The following MARCHF3 variants were observed in gnomAD, a reference collection of about 807,000 sequenced individuals.
MARCHF3 encodes membrane associated ring-CH-type finger 3, also known as E3 ubiquitin-protein ligase MARCHF3.
Under a neutral mutation model 24.2 loss-of-function variants are expected in MARCHF3, and 13 were observed. The ratio of observed to expected loss-of-function variants is 0.54; its 90% confidence interval spans 0.35 to 0.85. MARCHF3 has a LOEUF of 0.85. Among genes scored for constraint, MARCHF3 ranks in the 40% least tolerant of loss-of-function variants. MARCHF3 has a pLI of 0.01. For synonymous variants in MARCHF3, 144 were observed against 137.3 expected (o/e 1.05, Z -0.34); for missense variants, 276 against 325.0 (o/e 0.85, Z 1.16).
chr5:126,899,189 C>T, intron 3 of MARCHF3: 1 of 985,272 alleles, frequency 1.0e-6, no homozygotes, highest in Non-Finnish European at 1.2e-6. Context: ...AACATACATT[C>T]CATGAAGAAT....
chr5:126,910,755 C>T (rs554871876), intron 3 of MARCHF3, among the ~76,000 whole-genome samples: 1 of 152,242 alleles, frequency 6.6e-6, no homozygotes, highest in Admixed American at 6.5e-5. Context: ...AATATGATAT[C>T]TGGGCACCTT....
At chr5:127,001,095 G>A (rs561154274) in intron 1 of MARCHF3, among the ~76,000 whole-genome samples, 78 of 151,990 alleles carry the variant, frequency 5.1e-4, no homozygotes, top group Non-Finnish European at 2.6e-4. Context: ...AAAATTAGCC[G>A]GGCATGCTGA....
chr5:126,887,913 GCCA>G (rs1311770492), intron 3 of MARCHF3, among the ~76,000 whole-genome samples: 1 of 152,142 alleles, frequency 6.6e-6, no homozygotes, highest in African/African-American at 2.4e-5. Context: ...CATAGCTTTT[GCCA>G]CCATTACCAG....
intron 1 of MARCHF3, among the ~76,000 whole-genome samples, chr5:126,969,439 A>G (rs1445258732): frequency 2.0e-5 from 3 of 152,206 alleles, no homozygotes; most frequent in Non-Finnish European, 4.4e-5. Flanking sequence ...TACTCCAAAC[A>G]TGTTTAGGAG....
intron 1 of MARCHF3, among the ~76,000 whole-genome samples, chr5:126,993,151 C>T (rs1283563423): frequency 3.3e-5 from 5 of 152,138 alleles, no homozygotes; most frequent in African/African-American, 1.2e-4. Flanking sequence ...TCAAATAGTC[C>T]TTGCACTGAT....
chr5:127,018,439 CA>C (rs1388166547), intron 1 of MARCHF3, among the ~76,000 whole-genome samples: 10 of 151,464 alleles, frequency 6.6e-5, no homozygotes, highest in African/African-American at 2.4e-4. Context: ...ATGAAGGAAA[CA>C]AAAATGGGGC....
chr5:126,883,363 T>C (rs1753402114), intron 3 of MARCHF3, among the ~76,000 whole-genome samples: 1 of 152,220 alleles, frequency 6.6e-6, no homozygotes, highest in Non-Finnish European at 1.5e-5. Flanking sequence ...AAACATGCAG[T>C]ACAGAGATCA....
chr5:126,963,425 TAAAC>T (rs1750707626), intron 1 of MARCHF3, among the ~76,000 whole-genome samples: 1 of 152,132 alleles, frequency 6.6e-6, no homozygotes, highest in Non-Finnish European at 1.5e-5. Flanking sequence ...TGACCAATCT[TAAAC>T]AGTCAACATT....
At chr5:127,005,355 T>C (rs144661176) in intron 1 of MARCHF3, among the ~76,000 whole-genome samples, 1,710 of 152,062 alleles carry the variant, frequency 0.011, 33 homozygotes, top group African/African-American at 0.039. Context: ...AGGCTGGTCT[T>C]GAACTCCTGG....
At chr5:126,992,938 A>AT (rs1322583215) in intron 1 of MARCHF3, among the ~76,000 whole-genome samples, 5 of 151,740 alleles carry the variant, frequency 3.3e-5, no homozygotes, top group East Asian at 1.9e-4. Flanking sequence ...TGCCTGGCTA[A>AT]TTTTTTTGTA....
chr5:126,988,158 C>T (rs1400256772), intron 1 of MARCHF3, among the ~76,000 whole-genome samples: 1 of 152,014 alleles, frequency 6.6e-6, no homozygotes, highest in Admixed American at 6.6e-5. Flanking sequence ...CCTTTGAATC[C>T]CCTTACCACA....
At chr5:126,971,385 G>T (rs4836306) in intron 1 of MARCHF3, among the ~76,000 whole-genome samples, 67,658 of 147,684 alleles carry the variant, frequency 0.46, 15,953 homozygotes, top group East Asian at 0.67. Flanking sequence ...GGAGGCAGAG[G>T]TTGCAGTGAG....
intron 3 of MARCHF3, among the ~76,000 whole-genome samples, chr5:126,905,190 C>A (rs2126785603): frequency 1.3e-5 from 1 of 78,508 alleles, no homozygotes; most frequent in Admixed American, 1.6e-4. Context: ...GTTTTGGTAC[C>A]AGTACCATGC....
At chr5:126,984,258 A>T (rs991761752) in intron 1 of MARCHF3, among the ~76,000 whole-genome samples, 1 of 152,180 alleles carries the variant, frequency 6.6e-6, no homozygotes, top group African/African-American at 2.4e-5. Flanking sequence ...AAACTTCTGG[A>T]GATACTCTAT....
At chr5:126,919,621 T>G (rs1749032146) in intron 1 of MARCHF3, among the ~76,000 whole-genome samples, 1 of 152,224 alleles carries the variant, frequency 6.6e-6, no homozygotes. Context: ...ACAATGTGCA[T>G]CAACTGGATG....
At chr5:126,976,013 G>A (rs886454140) in intron 1 of MARCHF3, among the ~76,000 whole-genome samples, 1 of 152,114 alleles carries the variant, frequency 6.6e-6, no homozygotes, top group East Asian at 1.9e-4. Flanking sequence ...TGGCTCCCCA[G>A]GGTGATGTGC....
chr5:126,987,126 A>C (rs1306950791), intron 1 of MARCHF3, among the ~76,000 whole-genome samples: 4 of 152,378 alleles, frequency 2.6e-5, no homozygotes, highest in South Asian at 4.1e-4. Context: ...GCTGAAGGCC[A>C]TAAGGGCAAA....
intron 1 of MARCHF3, among the ~76,000 whole-genome samples, chr5:126,922,656 C>T (rs745839197): frequency 1.3e-5 from 2 of 152,048 alleles, no homozygotes; most frequent in Non-Finnish European, 2.9e-5. Flanking sequence ...ATGCCATTCT[C>T]CTGCCTCAGC....
intron 1 of MARCHF3, among the ~76,000 whole-genome samples, chr5:126,974,707 A>T (rs1751136493): frequency 6.6e-6 from 1 of 152,198 alleles, no homozygotes; most frequent in Admixed American, 6.5e-5. Flanking sequence ...ACCACACACA[A>T]GTTACGGAGA....
Sources: gnomAD v4.1 joint callset for allele counts (sites outside exome capture counted in the v4.1 genomes callset) on GRCh38, gnomAD v4.1.1 for gene constraint, MANE v1.5 for transcripts, NCBI Gene and HGNC (gene_info 2026-07-23, HGNC 2026-07-21) for gene names.